FAM222B: variants seen among roughly 807,000 people sequenced by gnomAD.
FAM222B encodes the protein protein FAM222B.
A neutral mutation model predicts 38.0 loss-of-function variants in FAM222B; 12 were observed. The ratio of observed to expected loss-of-function variants is 0.32; its 90% CI spans 0.20 to 0.51. The LOEUF is 0.51. Among genes scored for constraint, FAM222B ranks in the 20% least tolerant of loss-of-function variants. FAM222B has a pLI of 0.97. For synonymous variants in FAM222B, 329 were observed against 317.2 expected (o/e 1.04, Z -0.40); for missense variants, 716 against 754.2 (o/e 0.95, Z 0.59).
chr17:28,850,170 C>A (rs2039171371), intron 1 of FAM222B, among the ~76,000 whole-genome samples: 1 of 152,052 alleles, frequency 6.6e-6, no homozygotes, highest in African/African-American at 2.4e-5. Context: ...CTGTGAAGCC[C>A]TTTGCCTCAC....
chr17:28,774,146 CTT>C (rs11434048), intron 1 of FAM222B, among the ~76,000 whole-genome samples: 6 of 142,402 alleles, frequency 4.2e-5, no homozygotes, highest in East Asian at 2.0e-4. Flanking sequence ...CTTTTGTTTT[CTT>C]TTTTTTTTTT....
At chr17:28,839,657 G>C (rs2038966228) in intron 1 of FAM222B, among the ~76,000 whole-genome samples, 1 of 152,106 alleles carries the variant, frequency 6.6e-6, no homozygotes. Context: ...ACTCCATGTA[G>C]TAGTCAAACA....
At chr17:28,843,133 TG>T (rs1174255304), upstream of FAM222B, among the ~76,000 whole-genome samples, 11 of 145,352 alleles carry the variant, frequency 7.6e-5, no homozygotes, top group Non-Finnish European at 1.5e-4. Flanking sequence ...ATGATAAATT[TG>T]GGTCTTTTTT....
chr17:28,792,745 C>T (rs756004635), intron 1 of FAM222B, among the ~76,000 whole-genome samples: 9 of 149,322 alleles, frequency 6.0e-5, no homozygotes, highest in Non-Finnish European at 1.2e-4. Flanking sequence ...CACATCATTT[C>T]ACTCCAGCCT....
chr17:28,779,201 C>G (rs774445272), intron 1 of FAM222B, among the ~76,000 whole-genome samples: 3 of 152,030 alleles, frequency 2.0e-5, no homozygotes, highest in Non-Finnish European at 4.4e-5. Flanking sequence ...TCGGCATTAC[C>G]CTGATACCAA....
At chr17:28,788,652 T>C (rs909613809) in intron 1 of FAM222B, among the ~76,000 whole-genome samples, 17 of 152,158 alleles carry the variant, frequency 1.1e-4, no homozygotes, top group African/African-American at 2.2e-4. Flanking sequence ...TATTTTAGCA[T>C]TGAGTTAATC....
chr17:28,762,704 C>T (rs1204022346), intron 2 of FAM222B, among the ~76,000 whole-genome samples: 3 of 149,400 alleles, frequency 2.0e-5, no homozygotes, highest in African/African-American at 7.4e-5. Context: ...TTTGGGAGGC[C>T]GAGGTGGGTG....
chr17:28,778,000 G>A (rs781540799), intron 1 of FAM222B, among the ~76,000 whole-genome samples: 5 of 147,900 alleles, frequency 3.4e-5, no homozygotes, highest in Non-Finnish European at 7.4e-5. Flanking sequence ...ATGTTGCCCA[G>A]GCTGGACTTT....
rs1375368306 is a variant in FAM222B, at chr17:28,756,487, G to A, written c.*1783C>T. Reference sequence around the variant, plus strand: ...CAAGAATATCTGCTTTGGAGATCAAGCAAGGGGTAGGGGGAAGACAGTGGT... The same window carrying A: ...CAAGAATATCTGCTTTGGAGATCAAACAAGGGGTAGGGGGAAGACAGTGGT... On this transcript the variant is annotated 3_prime_UTR_variant, in exon 3 of 3. Coordinates refer to ENST00000581407, the MANE Select transcript of FAM222B (RefSeq NM_001077498.3). 6.6e-6 allele frequency: 1 copy of A among 152,508 alleles called. No homozygotes were observed. The highest frequency in any genetic ancestry group is 2.1e-4 in the South Asian group (1 of 4,826). 9.4% of individuals were successfully genotyped at this position (152,508 alleles called of 1,614,324 possible).
intron 1 of FAM222B, among the ~76,000 whole-genome samples, chr17:28,808,152 T>C (rs1435015950): frequency 6.6e-6 from 1 of 152,242 alleles, no homozygotes; most frequent in Admixed American, 6.5e-5. Context: ...AGAGCTGTGT[T>C]ACCACTGGCC....
Sources: allele counts gnomAD v4.1 joint callset (sites outside exome capture counted in the v4.1 genomes callset), GRCh38; gene constraint gnomAD v4.1.1; transcripts MANE v1.5; gene names NCBI Gene and HGNC (gene_info 2026-07-23, HGNC 2026-07-21).